The following EPB41L4B variants were observed in gnomAD, a reference collection of about 807,000 sequenced individuals.
EPB41L4B encodes band 4.1-like protein 4B.
Under a neutral mutation model 112.5 loss-of-function variants are expected in EPB41L4B, and 30 were observed. The observed-to-expected ratio is 0.27, with a 90% CI of 0.20 to 0.36. EPB41L4B has a LOEUF of 0.36. EPB41L4B is among the 10% of genes least tolerant of loss of function. The pLI is 1.00. For missense variants in EPB41L4B, 1,024 were observed against 1,133.3 expected (o/e 0.90, Z 1.38); for synonymous variants, 408 against 439.7 (o/e 0.93, Z 0.90).
chr9:109,313,437 G>T (rs1018040544), intron 1 of EPB41L4B, among the ~76,000 whole-genome samples: 1 of 152,186 alleles, frequency 6.6e-6, no homozygotes, highest in Admixed American at 6.5e-5. Context: ...GTGGTGGGGG[G>T]GCACACCAGG....
chr9:109,242,847 TA>T (rs11292845), intron 15 of EPB41L4B, among the ~76,000 whole-genome samples: 38,265 of 126,992 alleles, frequency 0.3, 4,722 homozygotes, highest in African/African-American at 0.43. Context: ...AAGCTAGCCT[TA>T]AAAAAAAAAA....
At chr9:109,227,784 G>A (rs899982902) in intron 15 of EPB41L4B, among the ~76,000 whole-genome samples, 1 of 152,162 alleles carries the variant, frequency 6.6e-6, no homozygotes, top group Non-Finnish European at 1.5e-5. Context: ...GTTTCACCAT[G>A]TTGGCCAGGA....
chr9:109,309,053 T>A (rs1390375652), intron 1 of EPB41L4B, among the ~76,000 whole-genome samples: 1 of 151,958 alleles, frequency 6.6e-6, no homozygotes, highest in East Asian at 1.9e-4. Context: ...CCAGCCTAGG[T>A]GACGAAGCGA....
intron 22 of EPB41L4B, among the ~76,000 whole-genome samples, chr9:109,190,098 G>A (rs1241069424): frequency 6.6e-6 from 1 of 152,154 alleles, no homozygotes; most frequent in East Asian, 1.9e-4. Flanking sequence ...ACCACGCTCG[G>A]CTAGGTTACG....
intron 1 of EPB41L4B, among the ~76,000 whole-genome samples, chr9:109,283,411 G>A (rs1477945407): frequency 2.0e-5 from 3 of 152,096 alleles, no homozygotes; most frequent in Admixed American, 6.5e-5. Flanking sequence ...TTCCTTCCTC[G>A]ACATACTCCT....
intron 1 of EPB41L4B, among the ~76,000 whole-genome samples, chr9:109,317,797 C>T (rs1271795946): frequency 6.6e-6 from 1 of 152,076 alleles, no homozygotes; most frequent in Non-Finnish European, 1.5e-5. Context: ...GCCCAGGAAG[C>T]GGTAAAAATC....
intron 5 of EPB41L4B, among the ~76,000 whole-genome samples, chr9:109,263,321 T>C (rs2119061138): frequency 6.6e-6 from 1 of 152,232 alleles, no homozygotes; most frequent in East Asian, 1.9e-4. Flanking sequence ...CCAATGTAGG[T>C]ATAGTTTCTA....
chr9:109,287,310 T>A (rs1836326734), intron 1 of EPB41L4B, among the ~76,000 whole-genome samples: 1 of 152,150 alleles, frequency 6.6e-6, no homozygotes, highest in African/African-American at 2.4e-5. Context: ...CTGACCTTCT[T>A]AGGTAAGATG....
chr9:109,181,414 AAAC>A (rs1832047462), intron 24 of EPB41L4B, among the ~76,000 whole-genome samples: 1 of 152,230 alleles, frequency 6.6e-6, no homozygotes, highest in Admixed American at 6.5e-5. Context: ...CAGCCTTGAG[AAAC>A]AACAATCATA....
chr9:109,203,020 G>A (rs988405972), intron 19 of EPB41L4B, among the ~76,000 whole-genome samples: 2 of 152,068 alleles, frequency 1.3e-5, no homozygotes, highest in African/African-American at 4.8e-5. Flanking sequence ...CTGGCACAGT[G>A]GCGTGCACCT....
intron 20 of EPB41L4B, 105 bp downstream of exon 20, chr9:109,200,131 G>A: frequency 1.2e-6 from 1 of 826,392 alleles, no homozygotes; most frequent in Non-Finnish European, 2.0e-6. Flanking sequence ...AATGGAATTT[G>A]GGGGCTGCTC....
intron 1 of EPB41L4B, among the ~76,000 whole-genome samples, chr9:109,307,470 A>G (rs1380838697): frequency 6.6e-6 from 1 of 152,190 alleles, no homozygotes; most frequent in Non-Finnish European, 1.5e-5. Flanking sequence ...GGCTGTGTGC[A>G]TGACCTGGGC....
chr9:109,244,106 A>G (rs918224207), intron 14 of EPB41L4B, among the ~76,000 whole-genome samples: 3 of 152,222 alleles, frequency 2.0e-5, no homozygotes, highest in Non-Finnish European at 4.4e-5. Flanking sequence ...GACAATGACC[A>G]TGTGGAACAG....
intron 2 of EPB41L4B, among the ~76,000 whole-genome samples, chr9:109,276,317 G>T (rs185206982): frequency 2.0e-5 from 3 of 151,496 alleles, no homozygotes; most frequent in Admixed American, 1.3e-4. Context: ...GTGAGGGGGG[G>T]GTCATCTGAG....
intron 23 of EPB41L4B, 84 bp from the exon 24 acceptor site, chr9:109,182,881 G>T (rs1057199242): frequency 3.0e-6 from 3 of 997,136 alleles, no homozygotes; most frequent in Non-Finnish European, 4.8e-6. Flanking sequence ...CTTTAAAATG[G>T]AACCAAAGGA....
chr9:109,320,391 C>T lies in EPB41L4B; in HGVS notation c.56G>A (p.Arg19Gln), dbSNP rs1248307311. 5.1e-6 allele frequency: 5 copies of T among 982,920 alleles called. No individual in the cohort carries two copies. The highest frequency in any genetic ancestry group is 6.3e-5 in the Admixed American group (1 of 15,836). 60.9% of individuals were successfully genotyped at this position (982,920 alleles called of 1,614,324 possible). A position where few individuals can be genotyped will look rare whatever the true frequency, so the allele number is the denominator to read the frequency against. ...FGRRSMQRYA[R>Q]GAAGRGAAGL... ...GGCGGCCCCGCGCCCCGCCGCGCCCCGCGCGTAGCGCTGCATGGAGCGGCG... is the reference window on the plus strand; with the variant it reads ...GGCGGCCCCGCGCCCCGCCGCGCCCTGCGCGTAGCGCTGCATGGAGCGGCG... Residue 19 changes from arginine (R) to glutamine (Q), a missense_variant, in exon 1 of 26, where the codon CGG (arginine) becomes CAG (glutamine). Coordinates refer to ENST00000374566, the MANE Select transcript of EPB41L4B (RefSeq NM_019114.5).
Position 109,281,706 on chromosome 9 carries a change from AAATAAATAAATAAATAAATT to A in EPB41L4B, c.307-1805_307-1786del, listed in dbSNP as rs1479395075. Among the ~76,000 whole-genome samples the A allele has an allele frequency of 3.1e-3, 383 of 123,278 alleles. 3 individuals are homozygous for A. The highest frequency in any genetic ancestry group is 0.012 in the African/African-American group (364 of 30,498). 80.9% of individuals were successfully genotyped at this position (123,278 alleles called of 152,430 possible). A position where few individuals can be genotyped will look rare whatever the true frequency, so the allele number is the denominator to read the frequency against. On this transcript the variant is annotated intron_variant, in intron 1 of 25. Transcript: ENST00000374566. ...CTCATAAATAAATAAATAAATAAAT[AAATAAATAAATAAATAAATT>A]AATTAATTAATTTTAAAAAAGATCA... is the stretch of plus-strand genomic sequence containing the variant.
At chr9:109,196,718 G>GAAAA (rs34024676) in intron 20 of EPB41L4B, among the ~76,000 whole-genome samples, 2 of 84,628 alleles carry the variant, frequency 2.4e-5, no homozygotes, top group African/African-American at 4.2e-5. Flanking sequence ...CCTTGTCTCC[G>GAAAA]AAAAAAAAAA....
rs143732247 is a variant in EPB41L4B at position 109,291,324 on chromosome 9, T to C, written c.307-11403A>G. On this transcript the variant is annotated intron_variant, in intron 1 of 25. Coordinates refer to ENST00000374566, the MANE Select transcript of EPB41L4B (RefSeq NM_019114.5). ...TCTTAAGCCCAATTTAACACATAAATACTGAAAGCCTACTCCACGCATGGT... is the reference window on the plus strand; with the variant it reads ...TCTTAAGCCCAATTTAACACATAAACACTGAAAGCCTACTCCACGCATGGT... Among the ~76,000 whole-genome samples, 803 of 152,214 alleles carry C rather than the reference T, an allele frequency of 5.3e-3. 4 individuals are homozygous for C. Among genetic ancestry groups the C allele is most frequent in the Admixed American group, 8.2e-3 (126 of 15,282 alleles).
Sources: allele counts gnomAD v4.1 joint callset (sites outside exome capture counted in the v4.1 genomes callset), GRCh38; gene constraint gnomAD v4.1.1; transcripts MANE v1.5; gene names NCBI Gene and HGNC (gene_info 2026-07-23, HGNC 2026-07-21).